The following SETDB1 variants were observed in gnomAD, a reference collection of about 807,000 sequenced individuals.
SETDB1 encodes the protein SET domain bifurcated histone lysine methyltransferase 1.
Under a neutral mutation model 137.4 loss-of-function variants are expected in SETDB1, and 31 were observed. That is an observed-to-expected ratio of 0.23 (90% CI 0.17 to 0.30). The LOEUF is 0.30. SETDB1 is among the 10% of genes least tolerant of loss of function. The pLI is 1.00. For synonymous variants in SETDB1, 548 were observed against 579.9 expected, an observed-to-expected ratio of 0.95 and a Z score of 0.79; for missense variants, 1,113 against 1,631.5, an observed-to-expected ratio of 0.68 and a Z score of 5.47.
intron 3 of SETDB1, chr1:150,930,524 T>TC (rs1272109365): frequency 8.2e-6 from 1 of 122,040 alleles, no homozygotes; most frequent in African/African-American, 3.2e-5. Flanking sequence ...ATTTTCTTTT[T>TC]TTTTTTTTTT....
intron 21 of SETDB1, 49 bp downstream of exon 21, chr1:150,964,132 A>C (rs970071508): frequency 1.2e-5 from 18 of 1,563,510 alleles, no homozygotes; most frequent in Non-Finnish European, 1.6e-5. Flanking sequence ...GGACCACTGA[A>C]GTTCTAAGGG....
chr1:150,964,582 TCAC>T lies in SETDB1; in HGVS notation c.*222_*224del. The stretch of plus-strand genomic sequence containing the variant: ...AAAGGCCCTAAAGGGTGGGGAGAGA[TCAC>T]CACTCTAACCTCGGCCTGACATCCC... On this transcript the variant is annotated 3_prime_UTR_variant, in exon 22 of 22. Transcript: ENST00000692827. The T allele has an allele frequency of 1.4e-6, 1 of 692,730 alleles. No individual in the cohort carries two copies. 42.9% of individuals were successfully genotyped at this position (692,730 alleles called of 1,614,324 possible).
At chr1:150,936,240 C>T (rs1320041519) in intron 3 of SETDB1, among the ~76,000 whole-genome samples, 7 of 152,146 alleles carry the variant, frequency 4.6e-5, no homozygotes, top group South Asian at 2.1e-4. Flanking sequence ...CTGCCCGTCT[C>T]GGCCTCCCAA....
intron 21 of SETDB1, 78 bp from the exon 22 acceptor site, chr1:150,964,169 C>G: frequency 6.6e-7 from 1 of 1,519,354 alleles, no homozygotes; most frequent in South Asian, 1.1e-5. Context: ...GATCCAACTC[C>G]ACCTACATAT....
rs202094723 is a variant in SETDB1, at chr1:150,949,187, T to C, written c.1333T>C (p.Phe445Leu). 13 of 1,613,978 alleles carry C rather than the reference T, an allele frequency of 8.1e-6. No homozygotes were observed. In the Admixed American group the frequency reaches 1.8e-4, roughly 23 times the overall value. Reference sequence around the variant, plus strand: ...GGATCTGACCGGTACTGGAACCCAGTTCAAGCCAGTGGAACCCCCACAGCC... The same window carrying C: ...GGATCTGACCGGTACTGGAACCCAGCTCAAGCCAGTGGAACCCCCACAGCC... Reference protein sequence around the residue: ...TQDLTGTGTQFKPVEPPQPTA... With the variant: ...TQDLTGTGTQLKPVEPPQPTA... Residue 445 changes from phenylalanine to leucine, a missense_variant, in exon 11 of 22, where the codon TTC becomes CTC. Around this residue, in one of 11 missense-constraint regions of SETDB1, gnomAD observed 192 missense variants for 198.1 expected, o/e 0.97. Coordinates refer to ENST00000692827, the MANE Select transcript of SETDB1 (RefSeq NM_001366418.1).
intron 3 of SETDB1, among the ~76,000 whole-genome samples, chr1:150,935,242 C>T (rs991175250): frequency 2.6e-5 from 4 of 152,302 alleles, no homozygotes; most frequent in African/African-American, 7.2e-5. Flanking sequence ...ATTTTTGTAT[C>T]ATGTATATGA....
chr1:150,932,963 G>T (rs182843822), intron 3 of SETDB1, among the ~76,000 whole-genome samples: 3 of 151,854 alleles, frequency 2.0e-5, no homozygotes, highest in East Asian at 3.9e-4. Flanking sequence ...AATATTTGGG[G>T]TTTTTTTGAT....
At chr1:150,931,261 C>CAAAAA (rs767694682) in intron 3 of SETDB1, among the ~76,000 whole-genome samples, 15 of 67,514 alleles carry the variant, frequency 2.2e-4, no homozygotes, top group East Asian at 5.3e-4. Context: ...CTCTTGTCTT[C>CAAAAA]AAAAAAAAAA....
At chr1:150,927,472 A>G (rs1020017526) in intron 1 of SETDB1, among the ~76,000 whole-genome samples, 3 of 152,148 alleles carry the variant, frequency 2.0e-5, no homozygotes, top group Admixed American at 1.3e-4. Flanking sequence ...AATGTTCTCC[A>G]TGCCGTCTCA....
At chr1:150,929,304 T>C (rs1327449569) in intron 2 of SETDB1, among the ~76,000 whole-genome samples, 1 of 152,212 alleles carries the variant, frequency 6.6e-6, no homozygotes, top group African/African-American at 2.4e-5. Context: ...TGTGAGACGG[T>C]ATCTCATGGT....
At position 150,960,731 on chromosome 1, in the gene SETDB1, A is replaced by T. The variant is rs765077929; in HGVS notation, c.2672A>T (p.Asp891Val). Reference sequence around the variant, plus strand: ...GGTGTAGACTTGAAGGACCAGGAAGATGGCAACAGCGGTACAGAGGACCCT... The same window carrying T: ...GGTGTAGACTTGAAGGACCAGGAAGTTGGCAACAGCGGTACAGAGGACCCT... ...SSGVDLKDQE[D>V]GNSGTEDPEE... Residue 891 changes from aspartate (D) to valine (V), a missense_variant, in exon 16 of 22, where the codon GAT becomes GTT. This residue lies in a region of SETDB1 where 373 missense variants were observed against 412.7 expected (regional missense o/e 0.90). Transcript: ENST00000692827. 1.2e-6 allele frequency: 2 copies of T among 1,611,264 alleles called. No homozygotes were observed. Among genetic ancestry groups the T allele is most frequent in the South Asian group, 2.2e-5 (2 of 90,686 alleles).
In SETDB1 at chr1:150,929,821, T is replaced by G. The variant is rs924150925; in HGVS notation, c.261-146T>G. 5.8e-6 allele frequency: 4 copies of G among 690,018 alleles called. No homozygotes were observed. In the African/African-American group the frequency reaches 7.1e-5, roughly 12 times the overall value. The allele number at this position is 690,018 out of a possible 1,614,324, so 42.7% of individuals were successfully genotyped here. On this transcript the variant is annotated intron_variant, in intron 2 of 21. Coordinates refer to ENST00000692827, the MANE Select transcript of SETDB1 (RefSeq NM_001366418.1). ...AAACATTTTTCTATAGAAAAAGCAT[T>G]CTAAATTCTAAACAGAGACACTTTG...
chr1:150,946,018 GTT>G (rs1670316169), intron 9 of SETDB1, among the ~76,000 whole-genome samples: 2 of 150,876 alleles, frequency 1.3e-5, no homozygotes, highest in South Asian at 4.2e-4. Context: ...GTTTTGTTTT[GTT>G]TTGTTTTGTT....
chr1:150,963,030 A>G lies in SETDB1; in HGVS notation c.3351A>G (p.Arg1117=). The change falls in exon 19 of 22, where the codon CGA becomes CGG. Residue 1117 remains arginine (R), a synonymous_variant. Transcript: ENST00000692827. ...GTGAGGGGGAAAGTGGGACCAGCCGAAAGCCCACTGCTGGTCAGACTTCGG... is the reference window on the plus strand; with the variant it reads ...GTGAGGGGGAAAGTGGGACCAGCCGGAAGCCCACTGCTGGTCAGACTTCGG... The part of the protein sequence containing the change: ...TESEGESGTS[R]KPTAGQTSAT... 1 of 1,614,172 alleles carries G rather than the reference A, an allele frequency of 6.2e-7. No individual in the cohort carries two copies. Among genetic ancestry groups the G allele is most frequent in the Non-Finnish European group, 8.5e-7 (1 of 1,180,010 alleles).
intron 14 of SETDB1, among the ~76,000 whole-genome samples, chr1:150,956,337 G>T (rs975471058): frequency 8.3e-4 from 123 of 148,658 alleles, no homozygotes; most frequent in Non-Finnish European, 3.2e-4. Flanking sequence ...AGTGAGCCAA[G>T]ATCCCACCAC....
chr1:150,951,589 A>G (rs587622851), intron 14 of SETDB1, 108 bp downstream of exon 14: 7 of 599,670 alleles, frequency 1.2e-5, no homozygotes, highest in African/African-American at 1.9e-5. Context: ...AACCAAAAAT[A>G]GAATACCAGA....
intron 14 of SETDB1, 32 bp from the exon 15 acceptor site, chr1:150,959,146 C>T: frequency 2.0e-6 from 3 of 1,493,622 alleles, no homozygotes; most frequent in Admixed American, 2.6e-5. Context: ...AGTGATCATA[C>T]CGTGATTGAT....
In SETDB1 at chr1:150,948,509, G is replaced by A. The variant is rs587746136; in HGVS notation, c.1268-613G>A. On this transcript the variant is annotated intron_variant, in intron 10 of 21. Transcript: ENST00000692827. Reference sequence around the variant, plus strand: ...TGGTCTTGAACTCCTGACCTCAGGTGATCTGCCCGCCTCAGCCTCCCAAAG... The same window carrying A: ...TGGTCTTGAACTCCTGACCTCAGGTAATCTGCCCGCCTCAGCCTCCCAAAG... Among the ~76,000 whole-genome samples, 16 of 151,600 alleles carry A rather than the reference G, an allele frequency of 1.1e-4. No homozygotes were observed. The South Asian group carries it at 3.3e-3, about 32-fold the overall frequency.
intron 19 of SETDB1, 148 bp downstream of exon 19, chr1:150,963,287 A>C: frequency 1.3e-6 from 1 of 775,370 alleles, no homozygotes; most frequent in East Asian, 2.7e-5. Context: ...ACTCCAAGCT[A>C]AACTATTGTT....
Sources: allele counts gnomAD v4.1 joint callset (sites outside exome capture counted in the v4.1 genomes callset), GRCh38; gene constraint gnomAD v4.1.1; regional missense constraint gnomAD v4.1.1; transcripts MANE v1.5; gene names NCBI Gene and HGNC (gene_info 2026-07-23, HGNC 2026-07-21).